CSMD1: variants seen among roughly 807,000 people sequenced by gnomAD.
The protein encoded by CSMD1 is CUB and sushi domain-containing protein 1.
In CSMD1, 213 loss-of-function variants were observed where a neutral mutation model predicts 417.5. The observed-to-expected ratio is 0.51, with a 90% CI of 0.46 to 0.57. The LOEUF is 0.57. Among genes scored for constraint, CSMD1 ranks in the 20% least tolerant of loss-of-function variants. The pLI is 0.00. For synonymous variants in CSMD1, 2,862 were observed against 1,736.8 expected (o/e 1.65, Z -16.11); for missense variants, 6,923 against 4,529.7 (o/e 1.53, Z -15.17).
intron 10 of CSMD1, among the ~76,000 whole-genome samples, chr8:3,543,401 G>C (rs930812635): frequency 1.3e-5 from 2 of 152,128 alleles, no homozygotes; most frequent in African/African-American, 4.8e-5. Flanking sequence ...TCTGTGTTGA[G>C]AACAGAATGA....
Position 3,837,637 on chromosome 8 carries a change from G to A in CSMD1, c.819-83595C>T, listed in dbSNP as rs371470586. ...TCTAGCGTTTGTGGAATTTTCTGCG[G>A]ATTGTAAGAAAATCCCATCCTACAT... On this transcript the variant is annotated intron_variant, in intron 5 of 69. Coordinates refer to ENST00000635120, the MANE Select transcript of CSMD1 (RefSeq NM_033225.6). Among the ~76,000 whole-genome samples, 270 of 152,284 alleles carry A rather than the reference G, an allele frequency of 1.8e-3. 2 individuals carry two copies. The highest frequency in any genetic ancestry group is 6.1e-3 in the African/African-American group (254 of 41,572).
intron 10 of CSMD1, among the ~76,000 whole-genome samples, chr8:3,560,175 G>C (rs1010846547): frequency 1.3e-5 from 2 of 152,132 alleles, no homozygotes; most frequent in South Asian, 2.1e-4. Context: ...GGCACAGGAA[G>C]AGCCCTTGAA....
intron 7 of CSMD1, among the ~76,000 whole-genome samples, chr8:3,695,104 G>A (rs1280057689): frequency 1.3e-5 from 2 of 151,666 alleles, no homozygotes; most frequent in African/African-American, 4.8e-5. Context: ...GTGTGTGTGT[G>A]TGTGTGTGTG....
At chr8:4,313,579 T>G (rs952235087) in intron 3 of CSMD1, among the ~76,000 whole-genome samples, 3 of 151,604 alleles carry the variant, frequency 2.0e-5, no homozygotes, top group African/African-American at 7.3e-5. Context: ...AAGAAGAATG[T>G]TGGAATTAAC....
At chr8:3,416,627 A>C (rs1358693479) in intron 12 of CSMD1, among the ~76,000 whole-genome samples, 1 of 152,198 alleles carries the variant, frequency 6.6e-6, no homozygotes, top group African/African-American at 2.4e-5. Context: ...AGCTACATGG[A>C]AACACGTCCA....
At chr8:4,293,912 G>A (rs114671372) in intron 3 of CSMD1, among the ~76,000 whole-genome samples, 2 of 151,848 alleles carry the variant, frequency 1.3e-5, no homozygotes, top group Admixed American at 1.3e-4. Context: ...TGTCCTATTA[G>A]TGTCTACTGT....
intron 3 of CSMD1, among the ~76,000 whole-genome samples, chr8:4,413,438 G>A (rs896174206): frequency 5.9e-5 from 9 of 152,120 alleles, no homozygotes; most frequent in Non-Finnish European, 1.0e-4. Context: ...GCAGTTCAGC[G>A]TCTCTCTTCT....
chr8:2,949,149 T>A (rs1585038775), intron 68 of CSMD1, 150 bp downstream of exon 68: 2 of 389,260 alleles, frequency 5.1e-6, no homozygotes, highest in East Asian at 9.6e-5. Flanking sequence ...TTCAAAATAA[T>A]TTTTTTTCAT....
At chr8:3,894,997 A>G (rs1432723025) in intron 5 of CSMD1, among the ~76,000 whole-genome samples, 7 of 152,192 alleles carry the variant, frequency 4.6e-5, no homozygotes, top group Non-Finnish European at 8.8e-5. Context: ...CCCATTTGGT[A>G]TGAAAGCAGC....
chr8:3,046,981 G>C (rs80277237), intron 50 of CSMD1, among the ~76,000 whole-genome samples: 10 of 152,024 alleles, frequency 6.6e-5, no homozygotes, highest in African/African-American at 2.2e-4. Flanking sequence ...AGGCCGAGGC[G>C]GGTGAATCAT....
intron 6 of CSMD1, among the ~76,000 whole-genome samples, chr8:3,733,746 G>A (rs916393568): frequency 2.6e-5 from 4 of 152,162 alleles, no homozygotes; most frequent in African/African-American, 9.7e-5. Flanking sequence ...CTGTGTTCAA[G>A]TAACCCTTAT....
At chr8:4,542,538 T>A (rs1050212063) in intron 2 of CSMD1, among the ~76,000 whole-genome samples, 2 of 152,190 alleles carry the variant, frequency 1.3e-5, no homozygotes, top group Non-Finnish European at 2.9e-5. Context: ...TGTTGCAAAT[T>A]AGAAGATAAA....
chr8:4,077,650 G>A (rs961896958), intron 3 of CSMD1, among the ~76,000 whole-genome samples: 2 of 151,926 alleles, frequency 1.3e-5, no homozygotes, highest in African/African-American at 4.8e-5. Flanking sequence ...GTGACAAAAG[G>A]GAGGTATATT....
At chr8:4,574,591 T>A (rs1467844071) in intron 2 of CSMD1, among the ~76,000 whole-genome samples, 1 of 152,200 alleles carries the variant, frequency 6.6e-6, no homozygotes, top group Non-Finnish European at 1.5e-5. Flanking sequence ...GAGTTCCAAC[T>A]GCTTTGTGTG....
intron 1 of CSMD1, among the ~76,000 whole-genome samples, chr8:4,700,967 T>C (rs940045904): frequency 2.6e-5 from 4 of 152,160 alleles, no homozygotes; most frequent in African/African-American, 9.7e-5. Context: ...CTCCTGCATG[T>C]ACATACTTCT....
At chr8:4,925,946 A>G (rs1008525360) in intron 1 of CSMD1, among the ~76,000 whole-genome samples, 1 of 152,192 alleles carries the variant, frequency 6.6e-6, no homozygotes. Flanking sequence ...TTCCAGCCAG[A>G]GGTTTATATT....
At chr8:4,062,732 T>C (rs1260084353) in intron 3 of CSMD1, among the ~76,000 whole-genome samples, 1 of 150,456 alleles carries the variant, frequency 6.6e-6, no homozygotes, top group East Asian at 1.9e-4. Flanking sequence ...CATTATCAAA[T>C]TCAAAAAAAA....
At chr8:4,637,126 C>G (rs537075508) in intron 2 of CSMD1, among the ~76,000 whole-genome samples, 1 of 152,266 alleles carries the variant, frequency 6.6e-6, no homozygotes, top group East Asian at 1.9e-4. Flanking sequence ...TAGCAATAAA[C>G]CTTGCTACCA....
At chr8:4,159,856 G>A (rs75447738) in intron 3 of CSMD1, among the ~76,000 whole-genome samples, 3,290 of 152,016 alleles carry the variant, frequency 0.022, 114 homozygotes, top group East Asian at 0.098. Context: ...ACTAAAGACC[G>A]TATGTTCTCA....
Sources: allele counts gnomAD v4.1 joint callset (sites outside exome capture counted in the v4.1 genomes callset), GRCh38; gene constraint gnomAD v4.1.1; transcripts MANE v1.5; gene names NCBI Gene and HGNC (gene_info 2026-07-23, HGNC 2026-07-21).